The following SEC61G variants were observed in gnomAD, a reference collection of about 807,000 sequenced individuals.
SEC61G encodes the protein protein transport protein Sec61 subunit gamma.
SEC61G carries 4 observed loss-of-function variants against 7.5 expected under a neutral mutation model. The observed-to-expected ratio is 0.54, with a 90% CI of 0.26 to 1.22. SEC61G has a LOEUF of 1.22. Among genes scored for constraint, SEC61G ranks in the 50% most tolerant of loss-of-function variants. SEC61G has a pLI of 0.12. For missense variants in SEC61G, 53 were observed against 84.6 expected (o/e 0.63, Z 1.46); for synonymous variants, 24 against 24.4 (o/e 0.98, Z 0.05).
chr7:54,757,488 CA>C lies in SEC61G; in HGVS notation c.94+6del. The C allele has an allele frequency of 1.2e-6, 2 of 1,609,130 alleles. No homozygotes were observed. Among genetic ancestry groups the C allele is most frequent in the Non-Finnish European group, 1.7e-6 (2 of 1,175,646 alleles). ...TTTAATTTTTTCTCTCATAGTCAAG[CA>C]ATTACCTTTTCTATCAGGTTTAGTG... On this transcript the variant is annotated splice_donor_region_variant and intron_variant, in intron 2 of 3. Coordinates refer to ENST00000352861, the MANE Select transcript of SEC61G (RefSeq NM_014302.4).
intron 3 of SEC61G, among the ~76,000 whole-genome samples, chr7:54,752,657 G>A (rs1791437524): frequency 6.6e-6 from 1 of 152,146 alleles, no homozygotes; most frequent in Admixed American, 6.6e-5. Flanking sequence ...GCTCATTCAG[G>A]AAATGCCATT....
intron 3 of SEC61G, chr7:54,754,956 A>G (rs1475906431): frequency 1.3e-5 from 2 of 152,130 alleles, no homozygotes; most frequent in Non-Finnish European, 2.9e-5. Flanking sequence ...TTACCTCCAA[A>G]CAGTGGATGA....
chr7:54,759,116 G>T (rs754097664), intron 1 of SEC61G, 42 bp downstream of exon 1: 2 of 510,588 alleles, frequency 3.9e-6, no homozygotes, highest in African/African-American at 3.9e-5. Context: ...CAAAGGTGTG[G>T]CCGCCCCGTT....
Position 54,752,391 on chromosome 7 carries a change from A to G in SEC61G, c.*20T>C. The stretch of plus-strand genomic sequence containing the variant: ...TTGTTCACCAATCTCTAAGATGAAA[A>G]ACTCTCTTCCAAAATGTATTCAGCC... On this transcript the variant is annotated 3_prime_UTR_variant, in exon 4 of 4. Coordinates refer to ENST00000352861, the MANE Select transcript of SEC61G (RefSeq NM_014302.4). 1.3e-6 allele frequency: 2 copies of G among 1,531,294 alleles called. No individual in the cohort carries two copies. Among genetic ancestry groups the G allele is most frequent in the Non-Finnish European group, 8.9e-7 (1 of 1,125,456 alleles). 94.9% of individuals were successfully genotyped at this position (1,531,294 alleles called of 1,614,324 possible). A position where few individuals can be genotyped will look rare whatever the true frequency, so the allele number is the denominator to read the frequency against.
chr7:54,757,355 C>T (rs775256426), intron 2 of SEC61G, 140 bp downstream of exon 2: 17 of 626,518 alleles, frequency 2.7e-5, no homozygotes, highest in Admixed American at 2.4e-4. Flanking sequence ...GAAGTGACAA[C>T]GTTAAAAAGC....
At chr7:54,757,032 CTATTA>C (rs923949936) in intron 2 of SEC61G, among the ~76,000 whole-genome samples, 1 of 148,160 alleles carries the variant, frequency 6.7e-6, no homozygotes, top group Non-Finnish European at 1.5e-5. Flanking sequence ...GTTATATTCT[CTATTA>C]TATTACCAGC....
rs534056401 is a variant in SEC61G at position 54,756,967 on chromosome 7, A to T, written c.94+528T>A. ...CTATACTATATATATACTATATACT[A>T]TATATACTATATACTATATACTATA... On this transcript the variant is annotated intron_variant, in intron 2 of 3. Coordinates refer to ENST00000352861, the MANE Select transcript of SEC61G (RefSeq NM_014302.4). 4.1e-5 allele frequency among the ~76,000 whole-genome samples: 6 copies of T among 147,148 alleles called. No homozygotes were observed. The East Asian group carries it at 9.8e-4, about 24-fold the overall frequency.
chr7:54,752,278 G>T lies in SEC61G; in HGVS notation c.*133C>A. On this transcript the variant is annotated 3_prime_UTR_variant, in exon 4 of 4. Coordinates refer to ENST00000352861, the MANE Select transcript of SEC61G (RefSeq NM_014302.4). ...TTTACTTTGAAATTACTTTAATTTA[G>T]AAATAGAAAACATCTTGAAAGGAAA... The T allele has an allele frequency of 3.9e-6, 2 of 519,346 alleles. No individual in the cohort carries two copies. The highest frequency in any genetic ancestry group is 6.9e-6 in the Non-Finnish European group (2 of 290,886). The allele number at this position is 519,346 out of a possible 1,614,324, so 32.2% of individuals were successfully genotyped here. A position where few individuals can be genotyped will look rare whatever the true frequency, so the allele number is the denominator to read the frequency against.
At chr7:54,758,502 A>G (rs1242973382) in intron 1 of SEC61G, among the ~76,000 whole-genome samples, 1 of 152,200 alleles carries the variant, frequency 6.6e-6, no homozygotes, top group Non-Finnish European at 1.5e-5. Context: ...AATAATGTCA[A>G]TGAAACACCA....
intron 2 of SEC61G, 145 bp downstream of exon 2, chr7:54,757,350 G>A: frequency 1.6e-6 from 1 of 608,578 alleles, no homozygotes; most frequent in Non-Finnish European, 2.8e-6. Context: ...AGGAAGAAGT[G>A]ACAACGTTAA....
In SEC61G at chr7:54,757,490, A is replaced by C. The variant is rs756312064; in HGVS notation, c.94+5T>G. On this transcript the variant is annotated splice_donor_5th_base_variant and intron_variant, in intron 2 of 3. Transcript: ENST00000352861. ...TAATTTTTTCTCTCATAGTCAAGCA[A>C]TTACCTTTTCTATCAGGTTTAGTGC... The C allele has an allele frequency of 6.2e-7, 1 of 1,611,482 alleles. No individual in the cohort carries two copies. The highest frequency in any genetic ancestry group is 1.1e-5 in the South Asian group (1 of 90,972).
At chr7:54,757,865 C>T (rs1583716603) in intron 1 of SEC61G, among the ~76,000 whole-genome samples, 1 of 152,178 alleles carries the variant, frequency 6.6e-6, no homozygotes, top group East Asian at 1.9e-4. Flanking sequence ...ATATAAAAAG[C>T]CTATCTCTAT....
At chr7:54,757,072 G>C (rs1467813450) in intron 2 of SEC61G, among the ~76,000 whole-genome samples, 2 of 150,404 alleles carry the variant, frequency 1.3e-5, no homozygotes, top group African/African-American at 2.4e-5. Flanking sequence ...ATGAATAAAA[G>C]TAGACAAATT....
intron 2 of SEC61G, 22 bp downstream of exon 2, chr7:54,757,473 T>C (rs762422436): frequency 1.3e-6 from 2 of 1,584,084 alleles, no homozygotes; most frequent in Non-Finnish European, 1.7e-6. Context: ...TTTAATTTTT[T>C]CTCTCATAGT....
chr7:54,753,054 C>T (rs1791444245), intron 3 of SEC61G, among the ~76,000 whole-genome samples: 1 of 152,064 alleles, frequency 6.6e-6, no homozygotes, highest in Non-Finnish European at 1.5e-5. Context: ...CTCTGGGAGG[C>T]TGAGGGAGGC....
chr7:54,756,011 A>G, intron 2 of SEC61G, 130 bp from the exon 3 acceptor site: 2 of 467,256 alleles, frequency 4.3e-6, no homozygotes, highest in Non-Finnish European at 7.6e-6. Flanking sequence ...TAATTTAAAA[A>G]TAAAAAGGTG....
chr7:54,757,428 T>C (rs1195484552), intron 2 of SEC61G, 67 bp downstream of exon 2: 4 of 1,247,620 alleles, frequency 3.2e-6, no homozygotes, highest in Admixed American at 1.7e-5. Context: ...TTAATCAAGA[T>C]GTTAATCAAA....
intron 1 of SEC61G, among the ~76,000 whole-genome samples, chr7:54,758,166 T>C (rs950295531): frequency 6.6e-6 from 1 of 152,228 alleles, no homozygotes; most frequent in African/African-American, 2.4e-5. Context: ...GTATAAAGAA[T>C]GGCTAAAGGA....
chr7:54,757,172 G>C (rs1791536396), intron 2 of SEC61G, among the ~76,000 whole-genome samples: 1 of 151,812 alleles, frequency 6.6e-6, no homozygotes, highest in South Asian at 2.1e-4. Context: ...TTGTTCGTTG[G>C]GGTGGGAGCT....
Sources: gnomAD v4.1 joint callset for allele counts (sites outside exome capture counted in the v4.1 genomes callset) on GRCh38, gnomAD v4.1.1 for gene constraint, MANE v1.5 for transcripts, NCBI Gene and HGNC (gene_info 2026-07-23, HGNC 2026-07-21) for gene names.